The following SLAMF6 variants were observed in gnomAD, a reference collection of about 807,000 sequenced individuals.
SLAMF6 encodes SLAM family member 6.
A neutral mutation model predicts 38.3 loss-of-function variants in SLAMF6; 21 were observed. The ratio of observed to expected loss-of-function variants is 0.55; its 90% CI spans 0.39 to 0.79. The LOEUF (loss-of-function observed/expected upper bound fraction) is 0.79, where lower values mean the gene tolerates loss of function less well. SLAMF6 is among the 30% of genes least tolerant of loss of function. SLAMF6 has a pLI of 0.00. For missense variants in SLAMF6, 341 were observed against 385.3 expected (o/e 0.89, Z 0.96); for synonymous variants, 152 against 146.3 (o/e 1.04, Z -0.28).
rs150927276 is a variant in SLAMF6 at position 160,489,144 on chromosome 1, C to T, written c.823G>A (p.Val275Ile). 3 of 1,613,900 alleles carry T rather than the reference C, an allele frequency of 1.9e-6. No homozygotes were observed. The highest frequency in any genetic ancestry group is 2.5e-6 in the Non-Finnish European group (3 of 1,179,854). The stretch of plus-strand genomic sequence containing the variant: ...GTGTTGTTCGTTGGAGACACTGAAA[C>T]ATACTCTAGGTTCCTTGCGGACTCT... ...PAESARNLEYVSVSPTNNTVY... is the reference protein window; with the variant it reads ...PAESARNLEYISVSPTNNTVY... Residue 275 changes from valine (V) to isoleucine (I), a missense_variant, in exon 6 of 8, where the codon GTT becomes ATT. Physicochemically the swap from Val to Ile is conservative, Grantham distance 29. Transcript: ENST00000368057.
At chr1:160,509,930 A>C (rs1442221638) in intron 1 of SLAMF6, among the ~76,000 whole-genome samples, 3 of 152,162 alleles carry the variant, frequency 2.0e-5, no homozygotes, top group Admixed American at 6.5e-5. Context: ...ATTACTACAG[A>C]TCTTATAGAA....
At chr1:160,494,123 T>A (rs1028178437) in intron 2 of SLAMF6, among the ~76,000 whole-genome samples, 2 of 152,162 alleles carry the variant, frequency 1.3e-5, no homozygotes, top group Non-Finnish European at 2.9e-5. Context: ...TACCAAGAGA[T>A]TGATCAATGT....
At chr1:160,496,501 A>C in intron 1 of SLAMF6, 108 bp from the exon 2 acceptor site, 3 of 1,042,160 alleles carry the variant, frequency 2.9e-6, no homozygotes, top group Non-Finnish European at 4.3e-6. Flanking sequence ...TCTGATACCA[A>C]AACTCAGAGA....
chr1:160,499,334 G>T (rs553234993), intron 1 of SLAMF6, among the ~76,000 whole-genome samples: 2 of 152,098 alleles, frequency 1.3e-5, no homozygotes, highest in African/African-American at 4.8e-5. Flanking sequence ...CCCATTGCTC[G>T]CTTTTGTTGG....
chr1:160,523,227 G>A lies in SLAMF6; in HGVS notation c.-35C>T, dbSNP rs1655069618. 6.2e-7 allele frequency: 1 copy of A among 1,607,538 alleles called. No individual in the cohort carries two copies. The highest frequency in any genetic ancestry group is 8.5e-7 in the Non-Finnish European group (1 of 1,177,216). On this transcript the variant is annotated 5_prime_UTR_variant, in exon 1 of 8. Transcript: ENST00000368057. ...GGTGAAGACTGGTGCTTGAGACCTT[G>A]AGGCAGTCAATGTTTTTGCCCTTCT...
At chr1:160,500,390 C>G (rs1280695948) in intron 1 of SLAMF6, among the ~76,000 whole-genome samples, 1 of 152,160 alleles carries the variant, frequency 6.6e-6, no homozygotes, top group African/African-American at 2.4e-5. Flanking sequence ...TTGAGCAGGC[C>G]AGGGCTTTTG....
intron 1 of SLAMF6, among the ~76,000 whole-genome samples, chr1:160,505,404 T>C (rs1044145200): frequency 6.6e-6 from 1 of 151,870 alleles, no homozygotes; most frequent in East Asian, 1.9e-4. Context: ...AGTCTTTAAG[T>C]CAACTGTCTT....
intron 1 of SLAMF6, among the ~76,000 whole-genome samples, chr1:160,512,803 C>T (rs184275105): frequency 1.3e-5 from 2 of 152,280 alleles, no homozygotes; most frequent in East Asian, 3.9e-4. Flanking sequence ...GAAAAACAAA[C>T]AGAAAGCAAC....
At chr1:160,490,744 G>A in intron 3 of SLAMF6, 59 bp from the exon 4 acceptor site, 3 of 1,588,132 alleles carry the variant, frequency 1.9e-6, no homozygotes, top group South Asian at 1.2e-5. Context: ...CACTGTTCTT[G>A]GAGCCTCCGT....
intron 1 of SLAMF6, among the ~76,000 whole-genome samples, chr1:160,510,072 A>G (rs1654394960): frequency 6.6e-6 from 1 of 152,118 alleles, no homozygotes; most frequent in African/African-American, 2.4e-5. Context: ...AAAATTAAAG[A>G]GGACCTATAA....
intron 7 of SLAMF6, 73 bp from the exon 8 acceptor site, chr1:160,486,827 G>T: frequency 6.6e-7 from 1 of 1,514,078 alleles, no homozygotes; most frequent in South Asian, 1.1e-5. Flanking sequence ...TAACTACAGA[G>T]AGAGGACTGG....
intron 1 of SLAMF6, among the ~76,000 whole-genome samples, chr1:160,521,313 G>A (rs1654973519): frequency 6.6e-6 from 1 of 152,150 alleles, no homozygotes; most frequent in African/African-American, 2.4e-5. Context: ...CAGTGAGCAA[G>A]TTACTTTAGT....
In SLAMF6 at chr1:160,488,357, T is replaced by G. The variant is rs1336563742; in HGVS notation, c.879+731A>C. Among the ~76,000 whole-genome samples the G allele has an allele frequency of 2.0e-5, 3 of 152,198 alleles. No homozygotes were observed. In the East Asian group the frequency reaches 5.8e-4, roughly 29 times the overall value. On this transcript the variant is annotated intron_variant, in intron 6 of 7. Transcript: ENST00000368057. ...ACTTTGCAAATATAGGTGAAGGGAA[T>G]CCAAGATTTCTAGCTAGATCATTGC...
At chr1:160,510,804 T>C (rs1021590295) in intron 1 of SLAMF6, among the ~76,000 whole-genome samples, 4 of 152,194 alleles carry the variant, frequency 2.6e-5, no homozygotes, top group African/African-American at 9.6e-5. Flanking sequence ...ACTATTCCTA[T>C]TCACAGATAA....
At chr1:160,499,703 G>T (rs1653781721) in intron 1 of SLAMF6, among the ~76,000 whole-genome samples, 1 of 152,068 alleles carries the variant, frequency 6.6e-6, no homozygotes, top group Non-Finnish European at 1.5e-5. Flanking sequence ...ATGGAAAGTT[G>T]TCATTTCTGA....
chr1:160,490,753 G>A (rs1653243824), intron 3 of SLAMF6, 68 bp from the exon 4 acceptor site: 23 of 1,572,590 alleles, frequency 1.5e-5, no homozygotes, highest in South Asian at 9.6e-5. Context: ...TGGAGCCTCC[G>A]TGGAGCCTCT....
chr1:160,499,567 T>C (rs1557940080), intron 1 of SLAMF6, among the ~76,000 whole-genome samples: 1 of 152,204 alleles, frequency 6.6e-6, no homozygotes. Flanking sequence ...CCATATGAAT[T>C]TTAGAATGGT....
chr1:160,493,597 C>T (rs1453443584), intron 2 of SLAMF6, among the ~76,000 whole-genome samples: 5 of 152,136 alleles, frequency 3.3e-5, no homozygotes, highest in East Asian at 3.9e-4. Context: ...GTGCCTTGGA[C>T]GTTATCCATG....
At chr1:160,507,024 A>C (rs1056501365) in intron 1 of SLAMF6, among the ~76,000 whole-genome samples, 3 of 152,124 alleles carry the variant, frequency 2.0e-5, no homozygotes, top group African/African-American at 7.2e-5. Context: ...AAAATGCAAG[A>C]AGTAGGTCCT....
Sources: allele counts gnomAD v4.1 joint callset (sites outside exome capture counted in the v4.1 genomes callset), GRCh38; gene constraint gnomAD v4.1.1; transcripts MANE v1.5; gene names NCBI Gene and HGNC (gene_info 2026-07-23, HGNC 2026-07-21).